The following PAX9 variants were observed in gnomAD, a reference collection of about 807,000 sequenced individuals.
PAX9 encodes the protein paired box protein Pax-9.
In PAX9, 6 loss-of-function variants were observed where a neutral mutation model predicts 29.1. The observed-to-expected ratio is 0.21, with a 90% CI of 0.11 to 0.41. The LOEUF (loss-of-function observed/expected upper bound fraction) is 0.41. Ranked by LOEUF, PAX9 falls within the 10% of genes least tolerant of loss-of-function variation. The pLI is 1.00. For missense variants in PAX9, 443 were observed against 479.1 expected, an observed-to-expected ratio of 0.92 and a Z score of 0.70; for synonymous variants, 217 against 211.7, an observed-to-expected ratio of 1.03 and a Z score of -0.22.
rs1271985508 is a variant in PAX9 at position 36,678,863 on chromosome 14, C to CAA, written c.*2412_*2413dup. 6 of 973,022 alleles carry CAA rather than the reference C, an allele frequency of 6.2e-6. No homozygotes were observed. In the Admixed American group the frequency reaches 1.8e-4, roughly 29 times the overall value. The allele number at this position is 973,022 out of a possible 1,614,324, so 60.3% of individuals were successfully genotyped here. A position where few individuals can be genotyped will look rare whatever the true frequency, so the allele number is the denominator to read the frequency against. On this transcript the variant is annotated 3_prime_UTR_variant, in exon 4 of 4. Transcript: ENST00000361487. The stretch of plus-strand genomic sequence containing the variant: ...AGTAATTTTTAAAAGATATCAGATA[C>CAA]AATTTGCTATTCAAAGAAAATTATG...
At chr14:36,668,221 A>G (rs1326735862) in intron 3 of PAX9, among the ~76,000 whole-genome samples, 1 of 152,156 alleles carries the variant, frequency 6.6e-6, no homozygotes, top group East Asian at 1.9e-4. Flanking sequence ...AGCACCTACC[A>G]TAGAAGCAAG....
Position 36,679,086 on chromosome 14 carries a change from C to T in PAX9, c.*2634C>T. On this transcript the variant is annotated 3_prime_UTR_variant, in exon 4 of 4. Transcript: ENST00000361487. ...CATGGAGAGGTTAAAGGTTCAATTTCATGACCTCTATGCAGGCAGCGCTCT... is the reference window on the plus strand; with the variant it reads ...CATGGAGAGGTTAAAGGTTCAATTTTATGACCTCTATGCAGGCAGCGCTCT... The T allele has an allele frequency of 1.0e-6, 1 of 985,424 alleles. No homozygotes were observed. Among genetic ancestry groups the T allele is most frequent in the Non-Finnish European group, 1.2e-6 (1 of 829,926 alleles). 61.0% of individuals were successfully genotyped at this position (985,424 alleles called of 1,614,324 possible).
chr14:36,668,012 G>A (rs1881569368), intron 3 of PAX9, among the ~76,000 whole-genome samples: 1 of 152,180 alleles, frequency 6.6e-6, no homozygotes, highest in Non-Finnish European at 1.5e-5. Flanking sequence ...ACCCAGAGAT[G>A]TTATGAGTAT....
At chr14:36,670,829 CTT>C (rs764844787) in intron 3 of PAX9, among the ~76,000 whole-genome samples, 2 of 151,936 alleles carry the variant, frequency 1.3e-5, no homozygotes, top group East Asian at 3.9e-4. Flanking sequence ...TTTAGAAAAG[CTT>C]TTAAATAGCG....
chr14:36,661,990 G>T lies in PAX9; in HGVS notation c.-100G>T. 1 of 1,474,096 alleles carries T rather than the reference G, an allele frequency of 6.8e-7. No homozygotes were observed. Among genetic ancestry groups the T allele is most frequent in the Non-Finnish European group, 9.3e-7 (1 of 1,077,988 alleles). 91.3% of individuals were successfully genotyped at this position (1,474,096 alleles called of 1,614,324 possible). A position where few individuals can be genotyped will look rare whatever the true frequency, so the allele number is the denominator to read the frequency against. On this transcript the variant is annotated 5_prime_UTR_variant, in exon 1 of 4. Coordinates refer to ENST00000361487, the MANE Select transcript of PAX9 (RefSeq NM_001372076.1). ...CCTGGGAAGAAGCGGAGGCGCCGGC[G>T]GTCGGCCGGGATAGCAACAGGCCGG...
In PAX9 at chr14:36,676,676, GCAA is replaced by G; in HGVS notation, c.*228_*230del. On this transcript the variant is annotated 3_prime_UTR_variant, in exon 4 of 4. Transcript: ENST00000361487. ...ATGACTTTAGGATTTAAAAACAAGAGCAACAATAAGCATTGAATGAGACATTTG... is the reference window on the plus strand; with the variant it reads ...ATGACTTTAGGATTTAAAAACAAGAGCAATAAGCATTGAATGAGACATTTG... The G allele has an allele frequency of 3.4e-6, 2 of 589,092 alleles. No homozygotes were observed. The highest frequency in any genetic ancestry group is 3.9e-5 in the South Asian group (2 of 51,862). The allele number at this position is 589,092 out of a possible 1,614,324, so 36.5% of individuals were successfully genotyped here.
intron 3 of PAX9, among the ~76,000 whole-genome samples, chr14:36,667,530 G>A (rs553953712): frequency 4.7e-4 from 71 of 152,148 alleles, no homozygotes; most frequent in African/African-American, 1.7e-3. Context: ...AAGCTATTCA[G>A]TTTTCCTTTT....
rs554429944 is a variant in PAX9 at position 36,661,878 on chromosome 14, G to A, written c.-212G>A. ...CCTGCTCAGCCCAGCCCACGTTGCTGCTTAGATTGAAATGCAGAACTCAAG... is the reference window on the plus strand; with the variant it reads ...CCTGCTCAGCCCAGCCCACGTTGCTACTTAGATTGAAATGCAGAACTCAAG... On this transcript the variant is annotated 5_prime_UTR_variant, in exon 1 of 4. Transcript: ENST00000361487. The A allele has an allele frequency of 1.8e-5, 12 of 654,858 alleles. No homozygotes were observed. The highest frequency in any genetic ancestry group is 4.2e-4 in the Middle Eastern group (1 of 2,408). 40.6% of individuals were successfully genotyped at this position (654,858 alleles called of 1,614,324 possible).
intron 2 of PAX9, chr14:36,666,123 G>T (rs533472309): frequency 3.3e-6 from 1 of 302,060 alleles, no homozygotes; most frequent in South Asian, 4.9e-5. Flanking sequence ...CAGCCTTAAG[G>T]GTTCCTTCTC....
chr14:36,662,177 C>T lies in PAX9; in HGVS notation c.4+84C>T, dbSNP rs924377454. 13 of 1,265,366 alleles carry T rather than the reference C, an allele frequency of 1.0e-5. No individual in the cohort carries two copies. The Admixed American group carries it at 3.6e-4, about 35-fold the overall frequency. The allele number at this position is 1,265,366 out of a possible 1,614,324, so 78.4% of individuals were successfully genotyped here. A position where few individuals can be genotyped will look rare whatever the true frequency, so the allele number is the denominator to read the frequency against. ...AAGGGAGGGAGGGAGGGAGGGAGCG[C>T]GAGGGCGCGCGCCACTAGGCGCTCA... On this transcript the variant is annotated intron_variant, in intron 1 of 3. Coordinates refer to ENST00000361487, the MANE Select transcript of PAX9 (RefSeq NM_001372076.1).
In PAX9 at chr14:36,666,470, A is replaced by G. The variant is rs375436662; in HGVS notation, c.640A>G (p.Ser214Gly). Reference protein sequence around the residue: ...IRSITDQVSDSSPYHSPKVEE... With the variant: ...IRSITDQVSDGSPYHSPKVEE... ...TCTCTTCTCTCCATCAGTGAGCGAC[A>G]GCTCCCCCTACCACAGCCCCAAGGT... Residue 214 changes from serine to glycine, a missense_variant, in exon 3 of 4, where the codon AGC (serine) becomes GGC (glycine). Ser to Gly is a moderately conservative substitution (Grantham distance 56). This residue lies in a region of PAX9 where 336 missense variants were observed against 317.2 expected (regional missense o/e 1.06). Coordinates refer to ENST00000361487, the MANE Select transcript of PAX9 (RefSeq NM_001372076.1). 25 of 1,610,660 alleles carry G rather than the reference A, an allele frequency of 1.6e-5. No homozygotes were observed. In the East Asian group the frequency reaches 4.9e-4, roughly 32 times the overall value.
In PAX9 at chr14:36,666,509, A is replaced by C. The variant is rs199777734; in HGVS notation, c.679A>C (p.Ser227Arg). The C allele has an allele frequency of 5.4e-5, 87 of 1,607,396 alleles. No homozygotes were observed. In the East Asian group the frequency reaches 1.0e-3, roughly 19 times the overall value. Residue 227 changes from serine (S) to arginine (R), a missense_variant, in exon 3 of 4, where the codon AGC becomes CGC. Ser to Arg is a moderately radical substitution (Grantham distance 110). Around this residue, in one of 2 missense-constraint regions of PAX9, gnomAD observed 336 missense variants for 317.2 expected, o/e 1.06. Transcript: ENST00000361487. ...CAGCCCCAAGGTGGAGGAGTGGAGC[A>C]GCCTGGGCCGCAACAACTTCCCCGC... Reference protein sequence around the residue: ...YHSPKVEEWSSLGRNNFPAAA... With the variant: ...YHSPKVEEWSRLGRNNFPAAA...
At chr14:36,664,494 G>T (rs1881413838) in intron 2 of PAX9, among the ~76,000 whole-genome samples, 1 of 151,392 alleles carries the variant, frequency 6.6e-6, no homozygotes, top group African/African-American at 2.4e-5. Flanking sequence ...TTTCTGCCTT[G>T]TCAGAAGGAT....
Position 36,676,641 on chromosome 14 carries a change from A to G in PAX9, c.*189A>G. On this transcript the variant is annotated 3_prime_UTR_variant, in exon 4 of 4. Coordinates refer to ENST00000361487, the MANE Select transcript of PAX9 (RefSeq NM_001372076.1). ...TCTTGCCATAACTTTTCTCTTGCAGAAAAACTGACATGACTTTAGGATTTA... is the reference window on the plus strand; with the variant it reads ...TCTTGCCATAACTTTTCTCTTGCAGGAAAACTGACATGACTTTAGGATTTA... 3.0e-6 allele frequency: 2 copies of G among 663,574 alleles called. No homozygotes were observed. The highest frequency in any genetic ancestry group is 5.2e-6 in the Non-Finnish European group (2 of 381,976). The allele number at this position is 663,574 out of a possible 1,614,324, so 41.1% of individuals were successfully genotyped here.
chr14:36,662,028 G>C lies in PAX9; in HGVS notation c.-62G>C. On this transcript the variant is annotated 5_prime_UTR_variant, in exon 1 of 4. Transcript: ENST00000361487. ...AGCAACAGGCCGGGCCACTGAGGCG[G>C]TGCGGAAAGTTTCTGTCTGGGAGTG... 1 of 1,553,898 alleles carries C rather than the reference G, an allele frequency of 6.4e-7. No individual in the cohort carries two copies. Among genetic ancestry groups the C allele is most frequent in the Non-Finnish European group, 8.7e-7 (1 of 1,149,176 alleles).
chr14:36,672,578 GAATA>G (rs1183435457), intron 3 of PAX9, among the ~76,000 whole-genome samples: 2 of 151,968 alleles, frequency 1.3e-5, no homozygotes, highest in African/African-American at 4.8e-5. Context: ...TCACTAAAAT[GAATA>G]AATAATGAAG....
chr14:36,662,143 CGAGCGGGCAAGGGAGGGAGGGAGGGAGGG>C, intron 1 of PAX9, 50 bp downstream of exon 1: 1 of 410,490 alleles, frequency 2.4e-6, no homozygotes, highest in Non-Finnish European at 3.7e-6. Flanking sequence ...AGGGAGGGAG[CGAGCGGGCAAGGGAGGGAGGGAGGGAGGG>C]AGCGCGAGGG....
Position 36,662,077 on chromosome 14 carries a change from A to G in PAX9, c.-13A>G, listed in dbSNP as rs1165438552. 1 of 1,533,622 alleles carries G rather than the reference A, an allele frequency of 6.5e-7. No individual in the cohort carries two copies. The highest frequency in any genetic ancestry group is 8.8e-7 in the Non-Finnish European group (1 of 1,137,226). On this transcript the variant is annotated 5_prime_UTR_variant, in exon 1 of 4. Transcript: ENST00000361487. The stretch of plus-strand genomic sequence containing the variant: ...TGCGGAACTGGGGCCGGGTTGGTGT[A>G]CTGCTCGGAGCAATGGGTGAGTGGC...
At chr14:36,668,628 C>G (rs1881595797) in intron 3 of PAX9, among the ~76,000 whole-genome samples, 1 of 152,128 alleles carries the variant, frequency 6.6e-6, no homozygotes, top group African/African-American at 2.4e-5. Flanking sequence ...ACCTCGTGAT[C>G]CACCCACCTC....
Sources: allele counts gnomAD v4.1 joint callset (sites outside exome capture counted in the v4.1 genomes callset), GRCh38; gene constraint gnomAD v4.1.1; regional missense constraint gnomAD v4.1.1; transcripts MANE v1.5; gene names NCBI Gene and HGNC (gene_info 2026-07-23, HGNC 2026-07-21).